Variants in CLVS1 observed in about 807,000 individuals in gnomAD.
The protein encoded by CLVS1 is clavesin-1.
CLVS1 carries 10 observed loss-of-function variants against 33.1 expected under a neutral mutation model. The ratio of observed to expected loss-of-function variants is 0.30; its 90% CI spans 0.19 to 0.51. CLVS1 has a LOEUF of 0.51. Ranked by LOEUF, CLVS1 falls within the 20% of genes least tolerant of loss-of-function variation. The pLI is 0.97. For missense variants in CLVS1, 343 were observed against 433.4 expected, an observed-to-expected ratio of 0.79 and a Z score of 1.85; for synonymous variants, 163 against 166.1, an observed-to-expected ratio of 0.98 and a Z score of 0.14.
At chr8:61,421,316 T>A (rs2129604625) in intron 3 of CLVS1, among the ~76,000 whole-genome samples, 1 of 152,178 alleles carries the variant, frequency 6.6e-6, no homozygotes, top group South Asian at 2.1e-4. Flanking sequence ...GTGGGCCTGG[T>A]GAGGAGTATA....
the CLVS1 span, among the ~76,000 whole-genome samples, chr8:60,994,245 A>T: frequency 6.6e-6 from 1 of 152,152 alleles, no homozygotes; most frequent in African/African-American, 2.4e-5. Flanking sequence ...TAAGGACACC[A>T]GTTGTATTGG....
chr8:61,028,728 A>G, the CLVS1 span, among the ~76,000 whole-genome samples: 1 of 152,166 alleles, frequency 6.6e-6, no homozygotes, highest in Admixed American at 6.5e-5. Context: ...AACTGTTACC[A>G]ATGAAATGCT....
At chr8:61,141,610 G>A (rs750444106) in intron 2 of CLVS1, among the ~76,000 whole-genome samples, 9 of 152,170 alleles carry the variant, frequency 5.9e-5, no homozygotes, top group Non-Finnish European at 1.0e-4. Flanking sequence ...TATGAGTTGA[G>A]TACCACTTAC....
At chr8:61,319,209 G>A (rs547559849) in intron 2 of CLVS1, among the ~76,000 whole-genome samples, 22 of 152,210 alleles carry the variant, frequency 1.4e-4, no homozygotes, top group African/African-American at 4.8e-4. Flanking sequence ...CTTCTACAGA[G>A]TCTCTAAGTG....
At chr8:61,322,483 G>A (rs973810860) in intron 2 of CLVS1, among the ~76,000 whole-genome samples, 5 of 152,164 alleles carry the variant, frequency 3.3e-5, no homozygotes, top group Non-Finnish European at 7.4e-5. Context: ...CTGCCCCTGT[G>A]TGTTTGCTCT....
intron 2 of CLVS1, among the ~76,000 whole-genome samples, chr8:61,222,336 T>C (rs942886893): frequency 6.6e-6 from 1 of 152,208 alleles, no homozygotes; most frequent in Admixed American, 6.5e-5. Context: ...TAAATTTCTC[T>C]CTTAATACTG....
intron 1 of CLVS1, among the ~76,000 whole-genome samples, chr8:61,077,518 C>T (rs573106451): frequency 1.1e-4 from 16 of 149,840 alleles, no homozygotes; most frequent in African/African-American, 3.7e-4. Flanking sequence ...CTCTGTGGCC[C>T]AGGCTGGAGC....
intron 1 of CLVS1, among the ~76,000 whole-genome samples, chr8:61,059,231 C>T (rs891257070): frequency 6.6e-6 from 1 of 151,940 alleles, no homozygotes; most frequent in Non-Finnish European, 1.5e-5. Context: ...TTTGTAATTT[C>T]AGTCCTTCTA....
intron 3 of CLVS1, among the ~76,000 whole-genome samples, chr8:61,433,139 A>G (rs1816178996): frequency 6.6e-6 from 1 of 152,232 alleles, no homozygotes; most frequent in Non-Finnish European, 1.5e-5. Context: ...TTTTTTGTAG[A>G]GAAGGTGTTT....
chr8:61,257,452 C>T (rs1809108140), intron 2 of CLVS1, among the ~76,000 whole-genome samples: 1 of 152,092 alleles, frequency 6.6e-6, no homozygotes, highest in African/African-American at 2.4e-5. Flanking sequence ...CTTGAAAAGG[C>T]TAGGTGAATG....
chr8:61,108,718 A>G (rs1000801196), intron 1 of CLVS1, among the ~76,000 whole-genome samples: 23 of 152,150 alleles, frequency 1.5e-4, no homozygotes, highest in African/African-American at 5.3e-4. Context: ...TTCTCACTCA[A>G]AGTTTCACTC....
At chr8:61,121,195 G>A (rs1336071989) in intron 1 of CLVS1, among the ~76,000 whole-genome samples, 4 of 151,950 alleles carry the variant, frequency 2.6e-5, no homozygotes, top group Non-Finnish European at 4.4e-5. Context: ...GACCCCTTGC[G>A]CTTCCAAAGT....
At chr8:61,274,630 A>T (rs1468342978) in intron 2 of CLVS1, among the ~76,000 whole-genome samples, 1 of 152,172 alleles carries the variant, frequency 6.6e-6, no homozygotes. Flanking sequence ...CATCACACCA[A>T]GATTGATGTT....
At chr8:61,490,390 C>T (rs971918820) in intron 5 of CLVS1, among the ~76,000 whole-genome samples, 4 of 150,998 alleles carry the variant, frequency 2.6e-5, no homozygotes, top group African/African-American at 4.9e-5. Context: ...TAAATTGGGC[C>T]GGGCTCTGTG....
intron 2 of CLVS1, among the ~76,000 whole-genome samples, chr8:61,141,195 C>CT (rs1043882788): frequency 3.9e-5 from 6 of 152,214 alleles, no homozygotes; most frequent in African/African-American, 1.4e-4. Context: ...ATTAACTTCC[C>CT]TTTTTTCATC....
At chr8:61,294,580 C>T (rs968531775) in intron 1 of CLVS1, among the ~76,000 whole-genome samples, 1 of 152,236 alleles carries the variant, frequency 6.6e-6, no homozygotes, top group South Asian at 2.1e-4. Context: ...TACCTCAGCA[C>T]TTCCCAGGGA....
At chr8:61,435,294 A>G (rs1816285957) in intron 3 of CLVS1, among the ~76,000 whole-genome samples, 1 of 152,142 alleles carries the variant, frequency 6.6e-6, no homozygotes, top group Non-Finnish European at 1.5e-5. Flanking sequence ...AGCCCTCAGG[A>G]GCTATTTTTT....
chr8:61,431,117 A>G (rs1425628368), intron 3 of CLVS1, among the ~76,000 whole-genome samples: 1 of 152,226 alleles, frequency 6.6e-6, no homozygotes, highest in African/African-American at 2.4e-5. Context: ...GATAGATCTG[A>G]TACCTGAAAT....
intron 2 of CLVS1, among the ~76,000 whole-genome samples, chr8:61,143,727 T>C (rs982040301): frequency 4.0e-5 from 6 of 149,024 alleles, no homozygotes; most frequent in Non-Finnish European, 8.9e-5. Flanking sequence ...TTCTTTGCTG[T>C]GCTCTTATTT....
Sources: gnomAD v4.1 joint callset for allele counts (sites outside exome capture counted in the v4.1 genomes callset) on GRCh38, gnomAD v4.1.1 for gene constraint, MANE v1.5 for transcripts, NCBI Gene and HGNC (gene_info 2026-07-23, HGNC 2026-07-21) for gene names.